ADAMTS9: variants seen among roughly 807,000 people sequenced by gnomAD.
ADAMTS9 encodes the protein ADAM metallopeptidase with thrombospondin type 1 motif 9, also known as A disintegrin and metalloproteinase with thrombospondin motifs 9.
Under a neutral mutation model 257.1 loss-of-function variants are expected in ADAMTS9, and 107 were observed. The ratio of observed to expected loss-of-function variants is 0.42; its 90% CI spans 0.36 to 0.49. The LOEUF (loss-of-function observed/expected upper bound fraction) is 0.49, where lower values mean the gene tolerates loss of function less well. Ranked by LOEUF, ADAMTS9 falls within the 20% of genes least tolerant of loss-of-function variation. The probability of loss-of-function intolerance (pLI) is 0.03; values close to 1 mark genes in which losing one functional copy is unlikely to be tolerated. For missense variants in ADAMTS9, 2,353 were observed against 2,469.1 expected, an observed-to-expected ratio of 0.95 and a Z score of 1.00; for synonymous variants, 982 against 880.9, an observed-to-expected ratio of 1.11 and a Z score of -2.03.
intron 10 of ADAMTS9, 142 bp downstream of exon 10, chr3:64,649,495 T>C: frequency 1.1e-6 from 1 of 944,150 alleles, no homozygotes; most frequent in Non-Finnish European, 1.5e-6. Context: ...ATCCTCATAA[T>C]TATTATGATC....
At chr3:64,650,120 A>C (rs1700895646) in intron 9 of ADAMTS9, 1 of 197,590 alleles carries the variant, frequency 5.1e-6, no homozygotes, top group South Asian at 1.4e-4. Context: ...TTTTCATCAA[A>C]GCACAGGGCC....
intron 30 of ADAMTS9, among the ~76,000 whole-genome samples, chr3:64,552,229 C>T (rs1302756545): frequency 6.6e-6 from 1 of 152,178 alleles, no homozygotes; most frequent in African/African-American, 2.4e-5. Context: ...TCCCATAAGC[C>T]AAGGGATGAT....
Position 64,622,481 on chromosome 3 carries a change from G to C in ADAMTS9, c.2495C>G (p.Ser832Cys). 6.2e-7 allele frequency: 1 copy of C among 1,614,044 alleles called. No individual in the cohort carries two copies. The change falls in exon 17 of 40, where the codon TCC (serine) becomes TGC (cysteine). Residue 832 changes from serine to cysteine, a missense_variant. Around this residue, in one of 3 missense-constraint regions of ADAMTS9, gnomAD observed 1,402 missense variants for 1,441.4 expected, o/e 0.97. Transcript: ENST00000498707. ...IGNAVVEYSGSETAVERINST... is the reference protein window; with the variant it reads ...IGNAVVEYSGCETAVERINST... Reference sequence around the variant, plus strand: ...GTTAATTCTTTCTACGGCAGTCTCGGACCCACTGTACTCTACCACAGCATT... The same window carrying C: ...GTTAATTCTTTCTACGGCAGTCTCGCACCCACTGTACTCTACCACAGCATT...
chr3:64,617,591 A>T (rs746784681), intron 19 of ADAMTS9, among the ~76,000 whole-genome samples: 1 of 152,160 alleles, frequency 6.6e-6, no homozygotes, highest in Non-Finnish European at 1.5e-5. Context: ...TATTTCAGGA[A>T]ACCATATTCC....
At chr3:64,528,662 A>C (rs12488897) in intron 38 of ADAMTS9, among the ~76,000 whole-genome samples, 6,088 of 152,144 alleles carry the variant, frequency 0.04, 685 homozygotes, top group Admixed American at 0.25. Context: ...TTCCTTAGTC[A>C]CCTTGGCCAA....
intron 26 of ADAMTS9, among the ~76,000 whole-genome samples, chr3:64,599,174 T>C (rs891602987): frequency 6.6e-6 from 1 of 152,162 alleles, no homozygotes; most frequent in African/African-American, 2.4e-5. Context: ...CCTGCTTGGG[T>C]CTTTATACTC....
At chr3:64,644,787 C>T (rs1229180832) in intron 11 of ADAMTS9, among the ~76,000 whole-genome samples, 2 of 152,182 alleles carry the variant, frequency 1.3e-5, no homozygotes, top group African/African-American at 4.8e-5. Flanking sequence ...TACTTCCACA[C>T]AAGAGCAAAT....
chr3:64,579,493 T>G (rs553617606), intron 28 of ADAMTS9, among the ~76,000 whole-genome samples: 8 of 152,344 alleles, frequency 5.3e-5, no homozygotes, highest in African/African-American at 1.9e-4. Context: ...AATATATATT[T>G]GACTTTTTTG....
At chr3:64,530,402 CCA>C (rs2082963849) in intron 38 of ADAMTS9, among the ~76,000 whole-genome samples, 1 of 151,906 alleles carries the variant, frequency 6.6e-6, no homozygotes, top group South Asian at 2.1e-4. Context: ...CAGCATTTCT[CCA>C]GACAGCCGGG....
chr3:64,648,152 G>C, intron 10 of ADAMTS9, 108 bp from the exon 11 acceptor site: 1 of 958,700 alleles, frequency 1.0e-6, no homozygotes. Flanking sequence ...CATAGGGTAA[G>C]TGGGGAAGGA....
rs1314904037 is a variant in ADAMTS9 at position 64,516,399 on chromosome 3, G to C, written c.*728C>G. The stretch of plus-strand genomic sequence containing the variant: ...AAAGTCTAAGTCTCTTCCAAAAAAG[G>C]CATATCCAAAAATAAGGGTAAAGAG... On this transcript the variant is annotated 3_prime_UTR_variant, in exon 40 of 40. Coordinates refer to ENST00000498707, the MANE Select transcript of ADAMTS9 (RefSeq NM_182920.2). 1.3e-5 allele frequency: 2 copies of C among 152,500 alleles called. No homozygotes were observed. Among genetic ancestry groups the C allele is most frequent in the Admixed American group, 1.3e-4 (2 of 15,250 alleles). The allele number at this position is 152,500 out of a possible 1,614,324, so 9.4% of individuals were successfully genotyped here.
chr3:64,637,169 T>C (rs1700522171), intron 12 of ADAMTS9, among the ~76,000 whole-genome samples: 1 of 152,218 alleles, frequency 6.6e-6, no homozygotes. Flanking sequence ...CTCTCCCAGA[T>C]TGCTGCCTGA....
chr3:64,517,080 A>G lies in ADAMTS9; in HGVS notation c.*47T>C, dbSNP rs1322366906. ...CAAATTAAGGTGGAGGTATTGCATT[A>G]CTATCCTTCATCCATCCATAATGGC... On this transcript the variant is annotated 3_prime_UTR_variant, in exon 40 of 40. Transcript: ENST00000498707. The G allele has an allele frequency of 6.6e-6, 1 of 152,560 alleles. No homozygotes were observed. Among genetic ancestry groups the G allele is most frequent in the Non-Finnish European group, 1.5e-5 (1 of 68,030 alleles). 9.5% of individuals were successfully genotyped at this position (152,560 alleles called of 1,614,324 possible). A position where few individuals can be genotyped will look rare whatever the true frequency, so the allele number is the denominator to read the frequency against.
At chr3:64,540,233 T>G (rs774984390) in intron 36 of ADAMTS9, among the ~76,000 whole-genome samples, 5 of 152,204 alleles carry the variant, frequency 3.3e-5, no homozygotes, top group Non-Finnish European at 7.3e-5. Context: ...CTCAAGGAAA[T>G]TTAAAGTATC....
intron 8 of ADAMTS9, among the ~76,000 whole-genome samples, chr3:64,653,754 GCTCTAT>G (rs1374174681): frequency 6.6e-6 from 1 of 152,120 alleles, no homozygotes; most frequent in African/African-American, 2.4e-5. Flanking sequence ...TTCTAACCGT[GCTCTAT>G]CTCTAAAAAA....
chr3:64,541,850 T>C lies in ADAMTS9; in HGVS notation c.5185A>G (p.Asn1729Asp), dbSNP rs1559754423. The change falls in exon 33 of 40, where the codon AAT becomes GAT. Residue 1729 changes from asparagine to aspartate, a missense_variant. Asn to Asp is a conservative substitution (Grantham distance 23). Around this residue, in one of 3 missense-constraint regions of ADAMTS9, gnomAD observed 1,402 missense variants for 1,441.4 expected, o/e 0.97. Coordinates refer to ENST00000498707, the MANE Select transcript of ADAMTS9 (RefSeq NM_182920.2). Reference protein sequence around the residue: ...LKPEERKTCRNVYNCELPQNC... With the variant: ...LKPEERKTCRDVYNCELPQNC... Reference sequence around the variant, plus strand: ...TTGGCCAACTTACAGTTATAGACATTACGGCAGGTTTTTCGTTCTTCTGGC... The same window carrying C: ...TTGGCCAACTTACAGTTATAGACATCACGGCAGGTTTTTCGTTCTTCTGGC... 1 of 1,614,232 alleles carries C rather than the reference T, an allele frequency of 6.2e-7. No individual in the cohort carries two copies. The highest frequency in any genetic ancestry group is 8.5e-7 in the Non-Finnish European group (1 of 1,180,032).
At position 64,563,979 on chromosome 3, in the gene ADAMTS9, C is replaced by T. The variant is rs1576024932; in HGVS notation, c.4525-2228G>A. ...TGGAATTCTGAGAGATTTGTGCAGG[C>T]ACCCCATGAATAAAACAGCAGCAGA... On this transcript the variant is annotated intron_variant, in intron 29 of 39. Transcript: ENST00000498707. Among the ~76,000 whole-genome samples, 3 of 152,340 alleles carry T rather than the reference C, an allele frequency of 2.0e-5. No homozygotes were observed. The South Asian group carries it at 6.2e-4, about 32-fold the overall frequency.
At chr3:64,604,679 T>C (rs1409228578) in intron 23 of ADAMTS9, among the ~76,000 whole-genome samples, 1 of 152,230 alleles carries the variant, frequency 6.6e-6, no homozygotes, top group African/African-American at 2.4e-5. Context: ...GTTGTTAACG[T>C]TTTAAAACTC....
intron 12 of ADAMTS9, among the ~76,000 whole-genome samples, chr3:64,638,200 C>T (rs1700548570): frequency 6.6e-6 from 1 of 152,116 alleles, no homozygotes; most frequent in Admixed American, 6.5e-5. Flanking sequence ...AAAGAAAATG[C>T]TGTGTCTTTC....
Sources: gnomAD v4.1 joint callset for allele counts (sites outside exome capture counted in the v4.1 genomes callset) on GRCh38, gnomAD v4.1.1 for gene constraint, gnomAD v4.1.1 regional missense constraint, MANE v1.5 for transcripts, NCBI Gene and HGNC (gene_info 2026-07-23, HGNC 2026-07-21) for gene names.